THSD7B: variants seen among roughly 807,000 people sequenced by gnomAD.
THSD7B encodes the protein thrombospondin type-1 domain-containing protein 7B.
A neutral mutation model predicts 213.6 loss-of-function variants in THSD7B; 138 were observed. That is an observed-to-expected ratio of 0.65 (90% CI 0.56 to 0.74). THSD7B has a LOEUF of 0.74. Among genes scored for constraint, THSD7B ranks in the 30% least tolerant of loss-of-function variants. The probability of loss-of-function intolerance (pLI) is 0.00; values close to 1 mark genes in which losing one functional copy is unlikely to be tolerated. For synonymous variants in THSD7B, 742 were observed against 687.0 expected (o/e 1.08, Z -1.25); for missense variants, 1,931 against 1,991.5 (o/e 0.97, Z 0.58).
chr2:137,380,566 C>T (rs1397955553), intron 12 of THSD7B, among the ~76,000 whole-genome samples: 1 of 152,222 alleles, frequency 6.6e-6, no homozygotes, highest in Non-Finnish European at 1.5e-5. Context: ...TGTGAAGACA[C>T]TCCCCTGCTG....
At chr2:136,882,096 C>G in intron 1 of THSD7B, 48 bp from the exon 2 acceptor site, 1 of 1,352,858 alleles carries the variant, frequency 7.4e-7, no homozygotes, top group Non-Finnish European at 9.6e-7. Context: ...GAGTTGTTAT[C>G]TTTTCTTTAC....
At chr2:137,675,493 G>C (rs1169029415) in intron 27 of THSD7B, among the ~76,000 whole-genome samples, 2 of 147,460 alleles carry the variant, frequency 1.4e-5, no homozygotes, top group African/African-American at 5.1e-5. Flanking sequence ...CTGTGTGTTA[G>C]ATTTGCTTAG....
At chr2:137,317,561 C>T (rs558160150) in intron 12 of THSD7B, among the ~76,000 whole-genome samples, 1 of 152,210 alleles carries the variant, frequency 6.6e-6, no homozygotes, top group South Asian at 2.1e-4. Context: ...CAGATAGTTT[C>T]AACATAAACC....
intron 5 of THSD7B, among the ~76,000 whole-genome samples, chr2:137,142,843 T>C (rs1218671942): frequency 6.6e-6 from 1 of 152,134 alleles, no homozygotes; most frequent in Non-Finnish European, 1.5e-5. Context: ...CTTATTTGTT[T>C]TGAAGATTTG....
chr2:137,006,533 C>T (rs2104829873), intron 2 of THSD7B, among the ~76,000 whole-genome samples: 1 of 152,202 alleles, frequency 6.6e-6, no homozygotes, highest in South Asian at 2.1e-4. Flanking sequence ...TCTGATAATC[C>T]TCATTCTACT....
intron 10 of THSD7B, among the ~76,000 whole-genome samples, chr2:137,260,356 A>G (rs571736194): frequency 6.6e-6 from 1 of 152,256 alleles, no homozygotes; most frequent in East Asian, 1.9e-4. Context: ...AGTAATCTGC[A>G]TGTGTATGTG....
chr2:137,530,700 G>C (rs1680380690), intron 15 of THSD7B, among the ~76,000 whole-genome samples: 1 of 151,924 alleles, frequency 6.6e-6, no homozygotes, highest in Admixed American at 6.6e-5. Flanking sequence ...CTTGATCTCA[G>C]GGGCTTGAAT....
At chr2:137,130,025 G>A (rs1688700491) in intron 5 of THSD7B, among the ~76,000 whole-genome samples, 1 of 152,090 alleles carries the variant, frequency 6.6e-6, no homozygotes, top group Non-Finnish European at 1.5e-5. Context: ...TGTTTTTTCA[G>A]TAAATTGTCA....
At chr2:136,878,674 A>G (rs1193008612) in intron 1 of THSD7B, among the ~76,000 whole-genome samples, 1 of 152,236 alleles carries the variant, frequency 6.6e-6, no homozygotes, top group East Asian at 1.9e-4. Flanking sequence ...GCCAGTGATG[A>G]TGAGCATTTT....
At chr2:137,232,851 C>G (rs1681670418) in intron 8 of THSD7B, 48 bp from the exon 9 acceptor site, 3 of 1,571,090 alleles carry the variant, frequency 1.9e-6, no homozygotes, top group South Asian at 2.3e-5. Flanking sequence ...ACAACAAAAA[C>G]AAGAACAGCA....
intron 2 of THSD7B, among the ~76,000 whole-genome samples, chr2:136,899,437 G>A (rs908596766): frequency 6.6e-6 from 1 of 152,154 alleles, no homozygotes; most frequent in African/African-American, 2.4e-5. Context: ...CTGGGAACAT[G>A]TGTCCAATTT....
At chr2:137,109,637 T>G (rs1422408441) in intron 4 of THSD7B, among the ~76,000 whole-genome samples, 2 of 152,130 alleles carry the variant, frequency 1.3e-5, no homozygotes, top group African/African-American at 4.8e-5. Context: ...TCTTGTGCAG[T>G]TCACAATAGG....
chr2:137,544,405 A>G (rs895457891), intron 15 of THSD7B, among the ~76,000 whole-genome samples: 2 of 151,858 alleles, frequency 1.3e-5, no homozygotes, highest in African/African-American at 4.8e-5. Context: ...AATTCATAGA[A>G]GCAGAAAGTA....
intron 17 of THSD7B, among the ~76,000 whole-genome samples, chr2:137,592,469 A>G (rs1681884242): frequency 6.6e-6 from 1 of 150,496 alleles, no homozygotes; most frequent in Admixed American, 6.6e-5. Flanking sequence ...ATGGAATACT[A>G]CTCCAAGCAA....
chr2:137,407,377 G>T (rs1401816753), intron 13 of THSD7B, among the ~76,000 whole-genome samples: 3 of 151,852 alleles, frequency 2.0e-5, no homozygotes, highest in African/African-American at 7.3e-5. Context: ...TGACCTTTGT[G>T]TATCTTTATG....
At chr2:137,209,462 G>A (rs1040055728) in intron 7 of THSD7B, among the ~76,000 whole-genome samples, 2 of 152,010 alleles carry the variant, frequency 1.3e-5, no homozygotes, top group African/African-American at 4.8e-5. Context: ...CAGGGTGCCA[G>A]ATTTGTGAAA....
At chr2:137,211,102 C>G (rs749094867) in intron 7 of THSD7B, among the ~76,000 whole-genome samples, 2 of 151,890 alleles carry the variant, frequency 1.3e-5, no homozygotes, top group Non-Finnish European at 2.9e-5. Context: ...CAAGATACTT[C>G]CTTGACATTT....
intron 2 of THSD7B, among the ~76,000 whole-genome samples, chr2:136,923,592 A>C (rs1042434068): frequency 2.6e-5 from 4 of 152,166 alleles, no homozygotes; most frequent in Non-Finnish European, 1.5e-5. Flanking sequence ...CAAGGGTTCC[A>C]ATTTCTCTCC....
intron 5 of THSD7B, among the ~76,000 whole-genome samples, chr2:137,125,250 A>G (rs923567493): frequency 1.3e-5 from 2 of 152,166 alleles, no homozygotes; most frequent in South Asian, 2.1e-4. Context: ...GTTTGATAGC[A>G]TTTTACCAGT....
Sources: allele counts gnomAD v4.1 joint callset (sites outside exome capture counted in the v4.1 genomes callset), GRCh38; gene constraint gnomAD v4.1.1; transcripts MANE v1.5; gene names NCBI Gene and HGNC (gene_info 2026-07-23, HGNC 2026-07-21).